The following HERC1 variants were observed in gnomAD, a reference collection of about 807,000 sequenced individuals.
HERC1 encodes HECT and RLD domain containing E3 ubiquitin protein ligase family member 1.
A neutral mutation model predicts 554.3 loss-of-function variants in HERC1; 160 were observed. The ratio of observed to expected loss-of-function variants is 0.29; its 90% CI spans 0.25 to 0.33. The LOEUF (loss-of-function observed/expected upper bound fraction) is 0.33, where lower values mean the gene tolerates loss of function less well. Among genes scored for constraint, HERC1 ranks in the 10% least tolerant of loss-of-function variants. The pLI is 1.00. For synonymous variants in HERC1, 2,175 were observed against 2,131.7 expected, an observed-to-expected ratio of 1.02 and a Z score of -0.56; for missense variants, 4,919 against 5,918.5, an observed-to-expected ratio of 0.83 and a Z score of 5.54.
intron 26 of HERC1, 96 bp downstream of exon 26, chr15:63,698,632 T>C (rs1398328934): frequency 4.1e-6 from 5 of 1,217,334 alleles, no homozygotes; most frequent in East Asian, 2.5e-5. Context: ...AGGCAAGGAA[T>C]AGAAGAAAAG....
rs140724885 is a variant in HERC1, at chr15:63,756,309, G to C, written c.1533+128C>G. On this transcript the variant is annotated intron_variant, in intron 5 of 77. Coordinates refer to ENST00000443617, the MANE Select transcript of HERC1 (RefSeq NM_003922.4). The surrounding 1 kb of genome is among the most constrained non-coding windows in gnomAD (Gnocchi z 5.0). ...GGTGTTCTGTAAACTGTAAAGCAGA[G>C]ATACAAAAGATTAAGCCAAAGGGTT... 137 of 694,832 alleles carry C rather than the reference G, an allele frequency of 2.0e-4. No individual in the cohort carries two copies. The East Asian group carries it at 3.4e-3, about 17-fold the overall frequency. The allele number at this position is 694,832 out of a possible 1,614,324, so 43.0% of individuals were successfully genotyped here.
At chr15:63,720,103 C>CTTTTTTTTTTTCTTTTTTTTTTTTTTTTT (rs2073748873) in intron 19 of HERC1, among the ~76,000 whole-genome samples, 1 of 71,608 alleles carries the variant, frequency 1.4e-5, no homozygotes, top group Non-Finnish European at 2.7e-5. Context: ...TTTTTCTTCC[C>CTTTTTTTTTTTCTTTTTTTTTTTTTTTTT]TTTTTTTTTT....
At chr15:63,620,063 C>T (rs1454073800) in intron 74 of HERC1, among the ~76,000 whole-genome samples, 1 of 152,196 alleles carries the variant, frequency 6.6e-6, no homozygotes, top group African/African-American at 2.4e-5. Context: ...TCTTGCTTCT[C>T]TAGTTCTTTT....
rs1316442180 is a variant in HERC1, at chr15:63,739,366, T to A, written c.2521-4517A>T. Among the ~76,000 whole-genome samples, 9 of 151,842 alleles carry A rather than the reference T, an allele frequency of 5.9e-5. No individual in the cohort carries two copies. In the East Asian group the frequency reaches 1.6e-3, roughly 27 times the overall value. On this transcript the variant is annotated intron_variant, in intron 12 of 77. Transcript: ENST00000443617. Reference sequence around the variant, plus strand: ...GCACACGCCACAACGCCAGGCTAATTTTTGTATTTTTAGTAAAAAAGGGTT... The same window carrying A: ...GCACACGCCACAACGCCAGGCTAATATTTGTATTTTTAGTAAAAAAGGGTT...
chr15:63,638,659 A>G, intron 62 of HERC1, 52 bp downstream of exon 62: 1 of 1,589,180 alleles, frequency 6.3e-7, no homozygotes, highest in African/African-American at 1.3e-5. Context: ...AAGCATTTAG[A>G]ATCAAAACAT....
chr15:63,642,843 T>G (rs1265059378), intron 59 of HERC1, 114 bp downstream of exon 59: 3 of 684,214 alleles, frequency 4.4e-6, no homozygotes, highest in Admixed American at 4.4e-5. Flanking sequence ...TTTGGACAAG[T>G]AGTAATCCCT....
At chr15:63,787,080 G>A (rs1181491004) in intron 1 of HERC1, among the ~76,000 whole-genome samples, 1 of 152,022 alleles carries the variant, frequency 6.6e-6, no homozygotes, top group African/African-American at 2.4e-5. Context: ...GACCTCAAGT[G>A]ATCTGCCTGC....
At chr15:63,652,025 G>C (rs903616643) in intron 52 of HERC1, among the ~76,000 whole-genome samples, 5 of 151,976 alleles carry the variant, frequency 3.3e-5, no homozygotes, top group Admixed American at 2.0e-4. Context: ...AGCAGAGCGA[G>C]ACTCAGTCTC....
At chr15:63,820,618 A>G (rs2077655629) in intron 1 of HERC1, among the ~76,000 whole-genome samples, 1 of 152,236 alleles carries the variant, frequency 6.6e-6, no homozygotes, top group Admixed American at 6.5e-5. Context: ...CCTTCCATAA[A>G]TACTACTGTA....
At chr15:63,661,067 GT>G in intron 45 of HERC1, 42 bp from the exon 46 acceptor site, 1 of 1,394,576 alleles carries the variant, frequency 7.2e-7, no homozygotes, top group Non-Finnish European at 1.0e-6. Flanking sequence ...ATATAAAACA[GT>G]TAGTACCCCA....
At chr15:63,697,763 T>A (rs2072507200) in intron 26 of HERC1, among the ~76,000 whole-genome samples, 2 of 152,124 alleles carry the variant, frequency 1.3e-5, no homozygotes, top group Admixed American at 1.3e-4. Flanking sequence ...CCAATCTTAA[T>A]CATTTAGTTA....
At position 63,694,144 on chromosome 15, in the gene HERC1, T is replaced by G; in HGVS notation, c.5494A>C (p.Lys1832Gln). The G allele has an allele frequency of 6.2e-7, 1 of 1,605,574 alleles. No individual in the cohort carries two copies. The highest frequency in any genetic ancestry group is 1.3e-5 in the African/African-American group (1 of 74,886). Residue 1832 changes from lysine (K) to glutamine (Q), a missense_variant, in exon 30 of 78, where the codon AAA becomes CAA. Transcript: ENST00000443617. This position sits in a 1 kb window ranked among gnomAD's most constrained non-coding sequence, Gnocchi z 4.3. ...LAITTGTYAD[K>Q]LSPKVVQSLL... ...GATTGAACTACTTTGGGACTCAGTTTATCAGCATAGGTCCTATGTGAAATA... is the reference window on the plus strand; with the variant it reads ...GATTGAACTACTTTGGGACTCAGTTGATCAGCATAGGTCCTATGTGAAATA...
In HERC1 at chr15:63,616,496, G is replaced by A. The variant is rs75055604; in HGVS notation, c.13875C>T (p.Tyr4625=). The change falls in exon 75 of 78, where the codon TAC becomes TAT. Residue 4625 remains tyrosine (Y), a synonymous_variant. Coordinates refer to ENST00000443617, the MANE Select transcript of HERC1 (RefSeq NM_003922.4). ...LEDLEEVDLL[Y]VQTLNSILHI... ...GAAGAATGCTGTTGAGAGTCTGCAC[G>A]TAGAGCAGATCCACCTCCTCCAGGT... The A allele has an allele frequency of 3.4e-3, 5,554 of 1,613,614 alleles. 179 individuals are homozygous for A. In the African/African-American group the frequency reaches 0.065, roughly 19 times the overall value.
At chr15:63,633,327 C>G (rs1315404838) in intron 67 of HERC1, among the ~76,000 whole-genome samples, 1 of 152,094 alleles carries the variant, frequency 6.6e-6, no homozygotes, top group East Asian at 1.9e-4. Flanking sequence ...GTCAGGAAAA[C>G]CCACATAAAA....
At chr15:63,705,908 C>T (rs1309003607) in intron 25 of HERC1, among the ~76,000 whole-genome samples, 1 of 151,494 alleles carries the variant, frequency 6.6e-6, no homozygotes, top group African/African-American at 2.4e-5. Flanking sequence ...TGCACACCTG[C>T]AGTCCCAGCT....
intron 1 of HERC1, among the ~76,000 whole-genome samples, chr15:63,810,377 A>C (rs982433032): frequency 6.6e-6 from 1 of 152,144 alleles, no homozygotes; most frequent in African/African-American, 2.4e-5. Context: ...CTATGAGGAG[A>C]TCTTTAAACT....
chr15:63,651,503 A>G (rs2069675550), intron 52 of HERC1, 123 bp from the exon 53 acceptor site: 1 of 892,266 alleles, frequency 1.1e-6, no homozygotes, highest in African/African-American at 1.7e-5. Context: ...CTGTTTCAAA[A>G]CCTTGGCTAG....
chr15:63,681,472 T>C (rs981609434), intron 34 of HERC1, among the ~76,000 whole-genome samples: 1 of 152,104 alleles, frequency 6.6e-6, no homozygotes, highest in Non-Finnish European at 1.5e-5. Context: ...GTTGGGATTA[T>C]AGGCATCAGC....
Position 63,643,324 on chromosome 15 carries a change from C to A in HERC1, c.11331+80G>T, listed in dbSNP as rs1468309199. 4.0e-6 allele frequency: 5 copies of A among 1,257,218 alleles called. No homozygotes were observed. In the African/African-American group the frequency reaches 6.1e-5, roughly 15 times the overall value. 77.9% of individuals were successfully genotyped at this position (1,257,218 alleles called of 1,614,324 possible). Reference sequence around the variant, plus strand: ...GAGATTACTATATAAAATGTTTCTACAATTGGTTAATTTTTATCACATGTG... The same window carrying A: ...GAGATTACTATATAAAATGTTTCTAAAATTGGTTAATTTTTATCACATGTG... On this transcript the variant is annotated intron_variant, in intron 58 of 77. Coordinates refer to ENST00000443617, the MANE Select transcript of HERC1 (RefSeq NM_003922.4).
Sources: allele counts gnomAD v4.1 joint callset (sites outside exome capture counted in the v4.1 genomes callset), GRCh38; gene constraint gnomAD v4.1.1; non-coding constraint Gnocchi (gnomAD v3.1); transcripts MANE v1.5; gene names NCBI Gene and HGNC (gene_info 2026-07-23, HGNC 2026-07-21).